RADIL: variants seen among roughly 807,000 people sequenced by gnomAD.
RADIL encodes ras-associating and dilute domain-containing protein.
RADIL carries 99 observed loss-of-function variants against 97.6 expected under a neutral mutation model. That is an observed-to-expected ratio of 1.01 (90% CI 0.86 to 1.20). RADIL has a LOEUF of 1.20. Ranked by LOEUF, RADIL falls within the 50% of genes most tolerant of loss-of-function variation. The pLI, the probability that RADIL is intolerant of heterozygous loss-of-function variation, is 0.00. For synonymous variants in RADIL, 803 were observed against 691.8 expected (o/e 1.16, Z -2.52); for missense variants, 1,765 against 1,498.9 (o/e 1.18, Z -2.93).
intron 2 of RADIL, among the ~76,000 whole-genome samples, chr7:4,847,179 G>A (rs1332022860): frequency 1.3e-5 from 2 of 151,962 alleles, no homozygotes; most frequent in African/African-American, 2.4e-5. Context: ...AAATTCCCTG[G>A]GTGTGGTAGC....
rs533343819 is a variant in RADIL at position 4,803,582 on chromosome 7, C to CCTGCCAGGGCTGCCAGGG, written c.2462_2463insCCCTGGCAGCCCTGGCAG (p.Ser815_Gly820dup). On this transcript the variant is annotated inframe_insertion, in exon 11 of 15. Coordinates refer to ENST00000399583, the MANE Select transcript of RADIL (RefSeq NM_018059.5). The stretch of plus-strand genomic sequence containing the variant: ...CTGGCTGGGAGGCCCCACTGCCAGG[C>CCTGCCAGGGCTGCCAGGG]CTGCCAGGGCTGCCGGGGCTGGCTC... The CCTGCCAGGGCTGCCAGGG allele has an allele frequency of 2.6e-6, 4 of 1,534,970 alleles. No individual in the cohort carries two copies. The highest frequency in any genetic ancestry group is 3.5e-6 in the Non-Finnish European group (4 of 1,144,510).
At chr7:4,836,649 G>A (rs2115004206) in intron 2 of RADIL, 44 bp from the exon 3 acceptor site, 1 of 1,600,558 alleles carries the variant, frequency 6.2e-7, no homozygotes. Flanking sequence ...AAGTCTCATA[G>A]CACCAGGACT....
Position 4,861,331 on chromosome 7 carries a change from C to G in RADIL, c.535+16274G>C, listed in dbSNP as rs755326670. Reference sequence around the variant, plus strand: ...TATCAATCTCTATCCCATCAAAACACAGTTTGATAACTGGCACAAATGCCT... The same window carrying G: ...TATCAATCTCTATCCCATCAAAACAGAGTTTGATAACTGGCACAAATGCCT... On this transcript the variant is annotated intron_variant, in intron 2 of 14. Coordinates refer to ENST00000399583, the MANE Select transcript of RADIL (RefSeq NM_018059.5). 1.9e-6 allele frequency: 3 copies of G among 1,613,352 alleles called. No homozygotes were observed. In the South Asian group the frequency reaches 3.3e-5, roughly 18 times the overall value.
Position 4,849,805 on chromosome 7 carries a change from A to G in RADIL, c.536-13200T>C, listed in dbSNP as rs1783664363. 2.0e-5 allele frequency among the ~76,000 whole-genome samples: 3 copies of G among 152,234 alleles called. No homozygotes were observed. The highest frequency in any genetic ancestry group is 7.2e-5 in the African/African-American group (3 of 41,458). On this transcript the variant is annotated intron_variant, in intron 2 of 14. Transcript: ENST00000399583. The surrounding 1 kb of genome is among the most constrained non-coding windows in gnomAD (Gnocchi z 5.4). The stretch of plus-strand genomic sequence containing the variant: ...TTCTGCGTACGCACAAAACGAACAC[A>G]GATCACAATCTGTGTTGAAATAAAT...
At chr7:4,803,204 T>C (rs13236089) in intron 11 of RADIL, among the ~76,000 whole-genome samples, 91 of 38,352 alleles carry the variant, frequency 2.4e-3, no homozygotes, top group Admixed American at 4.3e-3. Flanking sequence ...CCTCCCCGGG[T>C]ACCTCGGGGC....
chr7:4,826,351 A>C (rs183819050), intron 5 of RADIL, among the ~76,000 whole-genome samples: 1 of 152,352 alleles, frequency 6.6e-6, no homozygotes, highest in Non-Finnish European at 1.5e-5. Context: ...AAGCATCCTA[A>C]GATCTAGTGT....
intron 9 of RADIL, among the ~76,000 whole-genome samples, chr7:4,812,508 G>A (rs1303976967): frequency 6.6e-6 from 1 of 151,820 alleles, no homozygotes; most frequent in Non-Finnish European, 1.5e-5. Flanking sequence ...TGCAGCCTCT[G>A]CCCCCCAGGT....
In RADIL at chr7:4,842,872, T is replaced by A. The variant is rs58321035; in HGVS notation, c.536-6267A>T. Among the ~76,000 whole-genome samples, 6,730 of 152,166 alleles carry A rather than the reference T, an allele frequency of 0.044. 482 individuals are homozygous for A. Among genetic ancestry groups the A allele is most frequent in the African/African-American group, 0.15 (6,159 of 41,482 alleles). The stretch of plus-strand genomic sequence containing the variant: ...AGACCATTGTACTTATTTGCTATGT[T>A]GCCCAGGCTGGAGTGCAGTGTGGAT... On this transcript the variant is annotated intron_variant, in intron 2 of 14. Coordinates refer to ENST00000399583, the MANE Select transcript of RADIL (RefSeq NM_018059.5). The surrounding 1 kb of genome is among the most constrained non-coding windows in gnomAD (Gnocchi z 4.5).
At chr7:4,805,804 G>A (rs1782287159) in intron 9 of RADIL, 88 bp from the exon 10 acceptor site, 6 of 1,503,472 alleles carry the variant, frequency 4.0e-6, no homozygotes, top group Admixed American at 2.0e-5. Flanking sequence ...TGGCCTGGGG[G>A]TAGCCAGCTG....
At chr7:4,862,245 C>T (rs1040390059) in intron 2 of RADIL, among the ~76,000 whole-genome samples, 1 of 152,240 alleles carries the variant, frequency 6.6e-6, no homozygotes, top group Non-Finnish European at 1.5e-5. Flanking sequence ...CTCTCCAAGT[C>T]CCTTGACATC....
At chr7:4,857,027 C>T (rs1783850352) in intron 2 of RADIL, among the ~76,000 whole-genome samples, 1 of 152,204 alleles carries the variant, frequency 6.6e-6, no homozygotes, top group African/African-American at 2.4e-5. Context: ...TGTTCAAAAA[C>T]TGTTTCCCTT....
intron 5 of RADIL, among the ~76,000 whole-genome samples, chr7:4,830,858 C>CA (rs966908554): frequency 1.4e-4 from 21 of 151,756 alleles, no homozygotes; most frequent in African/African-American, 4.3e-4. Flanking sequence ...ACTAAAAATA[C>CA]AAAAAAACAA....
At chr7:4,875,102 G>C (rs921715916) in intron 2 of RADIL, among the ~76,000 whole-genome samples, 36 of 144,600 alleles carry the variant, frequency 2.5e-4, no homozygotes, top group South Asian at 2.1e-4. Flanking sequence ...TGAGGCAGGA[G>C]AATGGCGTGA....
intron 11 of RADIL, 60 bp from the exon 12 acceptor site, chr7:4,802,055 G>A: frequency 7.4e-7 from 1 of 1,358,964 alleles, no homozygotes; most frequent in Non-Finnish European, 9.8e-7. Flanking sequence ...ACAGCACTCG[G>A]GCAACTGGGC....
In RADIL at chr7:4,800,233, C is replaced by CCTCG. The variant is rs1562423528; in HGVS notation, c.2919_2920insCGAG (p.Val974ArgfsTer135). On this transcript the variant is annotated frameshift_variant, in exon 13 of 15. Transcript: ENST00000399583. LOFTEE classifies it high-confidence loss of function. The stretch of plus-strand genomic sequence containing the variant: ...CCTCGTTCCAGCTCCACCGTGAAGA[C>CCTCG]GTAGCAGAAGTCCTCGGTGCTGGAG... The CCTCG allele has an allele frequency of 6.2e-7, 1 of 1,601,392 alleles. No individual in the cohort carries two copies. The highest frequency in any genetic ancestry group is 1.7e-5 in the Admixed American group (1 of 57,872).
At chr7:4,838,931 TCGTGCACACATGCATGCACACGTGCACA>T (rs1783371961) in intron 2 of RADIL, among the ~76,000 whole-genome samples, 1 of 152,128 alleles carries the variant, frequency 6.6e-6, no homozygotes, top group East Asian at 1.9e-4. Flanking sequence ...ACCCGTGCAC[TCGTGCACACATGCATGCACACGTGCACA>T]CGTGCACACG....
intron 2 of RADIL, chr7:4,865,506 G>T (rs1007074160): frequency 1.0e-5 from 8 of 780,650 alleles, no homozygotes; most frequent in Admixed American, 6.9e-5. Flanking sequence ...TTTGCTGTTA[G>T]CAACTATGCG....
At chr7:4,808,844 C>A (rs1444632742) in intron 9 of RADIL, 1 of 964,186 alleles carries the variant, frequency 1.0e-6, no homozygotes, top group Non-Finnish European at 1.2e-6. Context: ...CTCCGCGTCT[C>A]CTTCCAACGC....
At chr7:4,804,241 G>T (rs113370916) in intron 10 of RADIL, among the ~76,000 whole-genome samples, 1 of 152,226 alleles carries the variant, frequency 6.6e-6, no homozygotes, top group East Asian at 1.9e-4. Context: ...GGAAGAGTGC[G>T]TGCATACTGA....
Sources: gnomAD v4.1 joint callset for allele counts (sites outside exome capture counted in the v4.1 genomes callset) on GRCh38, gnomAD v4.1.1 for gene constraint, Gnocchi (gnomAD v3.1) non-coding constraint, MANE v1.5 for transcripts, NCBI Gene and HGNC (gene_info 2026-07-23, HGNC 2026-07-21) for gene names.